The following RBFOX2 variants were observed in gnomAD, a reference collection of about 807,000 sequenced individuals.
RBFOX2 encodes the protein RNA binding protein fox-1 homolog 2.
RBFOX2 carries 10 observed loss-of-function variants against 49.1 expected under a neutral mutation model. That is an observed-to-expected ratio of 0.20 (90% CI 0.13 to 0.35). RBFOX2 has a LOEUF of 0.35. Ranked by LOEUF, RBFOX2 falls within the 10% of genes least tolerant of loss-of-function variation. RBFOX2 has a pLI of 1.00. For synonymous variants in RBFOX2, 183 were observed against 187.4 expected (o/e 0.98, Z 0.19); for missense variants, 323 against 486.9 (o/e 0.66, Z 3.17).
At chr22:35,956,985 C>A (rs1490914054) in intron 1 of RBFOX2, among the ~76,000 whole-genome samples, 1 of 152,192 alleles carries the variant, frequency 6.6e-6, no homozygotes, top group Non-Finnish European at 1.5e-5. Flanking sequence ...AACATAACTA[C>A]TCAGTCGTCA....
chr22:35,800,607 T>C (rs956794024), intron 2 of RBFOX2, among the ~76,000 whole-genome samples: 1 of 152,138 alleles, frequency 6.6e-6, no homozygotes, highest in Non-Finnish European at 1.5e-5. Flanking sequence ...GAATTCTAAT[T>C]ACCATTAATA....
At chr22:35,858,308 T>G (rs1474497180) in intron 1 of RBFOX2, among the ~76,000 whole-genome samples, 2 of 152,194 alleles carry the variant, frequency 1.3e-5, no homozygotes, top group Non-Finnish European at 2.9e-5. Context: ...GTGCCTTTGA[T>G]CATGTTTTCT....
intron 1 of RBFOX2, among the ~76,000 whole-genome samples, chr22:35,978,349 G>T (rs1056624520): frequency 6.6e-6 from 1 of 152,142 alleles, no homozygotes; most frequent in African/African-American, 2.4e-5. Context: ...AAATATAGAT[G>T]TATATGTGGT....
chr22:36,028,151 A>C, intron 1 of RBFOX2, 89 bp downstream of exon 1: 1 of 1,326,482 alleles, frequency 7.5e-7, no homozygotes, highest in Non-Finnish European at 9.6e-7. Context: ...GGACTCCCGG[A>C]GGCCCTCCCT....
At chr22:35,928,828 A>T (rs1441680004) in intron 1 of RBFOX2, among the ~76,000 whole-genome samples, 2 of 152,228 alleles carry the variant, frequency 1.3e-5, no homozygotes, top group Non-Finnish European at 2.9e-5. Flanking sequence ...GTGGCTGATA[A>T]GCACATGAAA....
intron 1 of RBFOX2, among the ~76,000 whole-genome samples, chr22:35,813,119 A>T (rs1320932139): frequency 6.6e-6 from 1 of 152,194 alleles, no homozygotes; most frequent in Non-Finnish European, 1.5e-5. Flanking sequence ...TTCTTTTAAA[A>T]TTTTTGTTAA....
chr22:35,778,335 G>A (rs191162311), intron 3 of RBFOX2, among the ~76,000 whole-genome samples: 14 of 152,190 alleles, frequency 9.2e-5, no homozygotes, highest in African/African-American at 3.1e-4. Context: ...TACTTCATGT[G>A]GACAAGAACC....
chr22:35,897,825 G>C (rs1018922588), intron 1 of RBFOX2: 33 of 745,750 alleles, frequency 4.4e-5, no homozygotes, highest in Non-Finnish European at 7.6e-5. Flanking sequence ...CTGGAAATGT[G>C]TCTCTCACTG....
intron 1 of RBFOX2, among the ~76,000 whole-genome samples, chr22:35,820,160 G>GTAAACTCCTTAC (rs1954140830): frequency 1.3e-5 from 2 of 152,144 alleles, no homozygotes; most frequent in Non-Finnish European, 2.9e-5. Flanking sequence ...CCACTGCAGG[G>GTAAACTCCTTAC]AGGTTAGCTT....
intron 1 of RBFOX2, among the ~76,000 whole-genome samples, chr22:35,852,263 G>A (rs1488149395): frequency 1.3e-5 from 2 of 151,952 alleles, no homozygotes; most frequent in African/African-American, 4.8e-5. Context: ...TGCCAATTTT[G>A]GTATCTGCAG....
At chr22:35,999,869 T>A (rs558010192) in intron 1 of RBFOX2, 2 of 152,022 alleles carry the variant, frequency 1.3e-5, no homozygotes, top group South Asian at 4.2e-4. Context: ...GAAACTAGAT[T>A]TCTTGAAGGC....
intron 1 of RBFOX2, among the ~76,000 whole-genome samples, chr22:36,027,658 G>GCAC (rs982167983): frequency 2.0e-5 from 3 of 152,162 alleles, no homozygotes; most frequent in Non-Finnish European, 4.4e-5. Context: ...ATGAGACTGA[G>GCAC]CACCACCGTG....
At chr22:35,974,966 A>G (rs767280250) in intron 1 of RBFOX2, among the ~76,000 whole-genome samples, 18 of 152,210 alleles carry the variant, frequency 1.2e-4, no homozygotes, top group Non-Finnish European at 2.4e-4. Context: ...CAGTCTCTCG[A>G]AAGCACAGAG....
At chr22:35,858,263 G>T (rs189309772) in intron 1 of RBFOX2, among the ~76,000 whole-genome samples, 4 of 152,110 alleles carry the variant, frequency 2.6e-5, no homozygotes, top group Non-Finnish European at 5.9e-5. Flanking sequence ...CTATCAAGGA[G>T]AATTTTTACT....
chr22:35,913,560 GTATA>G (rs372656039), intron 1 of RBFOX2, among the ~76,000 whole-genome samples: 6 of 147,168 alleles, frequency 4.1e-5, no homozygotes, highest in Admixed American at 6.8e-5. Flanking sequence ...GTGTGTGTGT[GTATA>G]TATATATATA....
chr22:35,746,556 T>C (rs866513968), exon 10 of RBFOX2: 2 of 1,593,488 alleles, frequency 1.3e-6, no homozygotes, highest in Non-Finnish European at 1.7e-6. Flanking sequence ...AGGCTGCATA[T>C]CCACCCTACA....
chr22:35,784,417 T>G (rs1353054175), intron 2 of RBFOX2, among the ~76,000 whole-genome samples: 1 of 152,188 alleles, frequency 6.6e-6, no homozygotes, highest in African/African-American at 2.4e-5. Context: ...GCAAATTCCT[T>G]AACCTCCCTG....
chr22:36,006,173 T>C (rs1393117434), intron 1 of RBFOX2, among the ~76,000 whole-genome samples: 1 of 152,276 alleles, frequency 6.6e-6, no homozygotes, highest in African/African-American at 2.4e-5. Flanking sequence ...TAAATGTTGA[T>C]AAAAATTTTT....
At chr22:35,860,862 T>C (rs978514390) in intron 1 of RBFOX2, among the ~76,000 whole-genome samples, 3 of 152,234 alleles carry the variant, frequency 2.0e-5, no homozygotes, top group Non-Finnish European at 2.9e-5. Context: ...ATAAAGGGTT[T>C]TTAAAGATTA....
Sources: allele counts gnomAD v4.1 joint callset (sites outside exome capture counted in the v4.1 genomes callset), GRCh38; gene constraint gnomAD v4.1.1; transcripts MANE v1.5; gene names NCBI Gene and HGNC (gene_info 2026-07-23, HGNC 2026-07-21).